POLN: variants seen among roughly 807,000 people sequenced by gnomAD.
POLN encodes the protein DNA polymerase N.
In POLN, 108 loss-of-function variants were observed where a neutral mutation model predicts 113.5. The observed-to-expected ratio is 0.95, with a 90% CI of 0.81 to 1.12. POLN has a LOEUF of 1.12. POLN is among the 50% of genes most tolerant of loss of function. The pLI, the probability that POLN is intolerant of heterozygous loss-of-function variation, is 0.00. For synonymous variants in POLN, 386 were observed against 391.5 expected, an observed-to-expected ratio of 0.99 and a Z score of 0.17; for missense variants, 1,097 against 1,077.1, an observed-to-expected ratio of 1.02 and a Z score of -0.26.
chr4:2,208,239 A>G lies in POLN; in HGVS notation c.462T>C (p.Leu154=). ...TATTATATGTAATATGTTTTCTTTT[A>G]AGATTAATGCTTCCTTTATTTTCAT... The part of the protein sequence containing the change: ...INNENKGSIN[L]KRKHITYNNL... The change falls in exon 5 of 26, where the codon CTT becomes CTC. Residue 154 remains leucine (L), a synonymous_variant. Coordinates refer to ENST00000511885, the MANE Select transcript of POLN (RefSeq NM_181808.4). 1 of 1,589,098 alleles carries G rather than the reference A, an allele frequency of 6.3e-7. No individual in the cohort carries two copies. Among genetic ancestry groups the G allele is most frequent in the South Asian group, 1.1e-5 (1 of 88,828 alleles).
Position 2,198,645 on chromosome 4 carries a change from C to G in POLN, c.787G>C (p.Asp263His), listed in dbSNP as rs1173566947. ...RQAEGGHGCPDAPACGPVLEG... is the reference protein window; with the variant it reads ...RQAEGGHGCPHAPACGPVLEG... ...AGAACAGGACCACAGGCCGGGGCAT[C>G]TGGACAGCCATGGCCACCCTCTGCT... The change falls in exon 6 of 26, where the codon GAT becomes CAT. Residue 263 changes from aspartate to histidine, a missense_variant. By Grantham distance (81) the Asp-to-His change is moderately conservative. Transcript: ENST00000511885. The G allele has an allele frequency of 6.2e-7, 1 of 1,613,904 alleles. No individual in the cohort carries two copies. Among genetic ancestry groups the G allele is most frequent in the East Asian group, 2.2e-5 (1 of 44,862 alleles).
intron 16 of POLN, 102 bp from the exon 17 acceptor site, chr4:2,131,392 G>C (rs1262457314): frequency 1.3e-6 from 1 of 747,996 alleles, no homozygotes; most frequent in East Asian, 2.8e-5. Context: ...ATTAAAACAA[G>C]TAAGCCAATG....
chr4:2,163,738 T>C (rs767473051), intron 13 of POLN, among the ~76,000 whole-genome samples: 6 of 152,198 alleles, frequency 3.9e-5, no homozygotes, highest in Non-Finnish European at 8.8e-5. Context: ...GGCATCCGTG[T>C]TTTCCAAATC....
intron 4 of POLN, among the ~76,000 whole-genome samples, chr4:2,210,614 AT>A (rs1733966059): frequency 2.9e-5 from 4 of 136,502 alleles, no homozygotes; most frequent in Non-Finnish European, 4.6e-5. Context: ...AATAATAATA[AT>A]AATAATAATA....
intron 24 of POLN, 107 bp downstream of exon 24, chr4:2,075,345 T>A: frequency 8.3e-7 from 1 of 1,210,810 alleles, no homozygotes; most frequent in Non-Finnish European, 1.2e-6. Context: ...GCAGGGGCCA[T>A]AAAAGGGAAG....
chr4:2,114,518 C>T (rs895695798), intron 19 of POLN, among the ~76,000 whole-genome samples: 2 of 152,178 alleles, frequency 1.3e-5, no homozygotes, highest in African/African-American at 4.8e-5. Context: ...GTTCTATATT[C>T]TACATTCTCT....
chr4:2,191,111 C>G (rs908404786), intron 7 of POLN, among the ~76,000 whole-genome samples: 6 of 152,146 alleles, frequency 3.9e-5, no homozygotes, highest in African/African-American at 7.2e-5. Flanking sequence ...AGGAATTAAC[C>G]TGAGTGTCCA....
At chr4:2,214,033 C>T (rs552817975) in intron 3 of POLN, among the ~76,000 whole-genome samples, 3 of 152,156 alleles carry the variant, frequency 2.0e-5, no homozygotes, top group East Asian at 1.9e-4. Flanking sequence ...GTCAGGAGCT[C>T]GAGACCAGCT....
In POLN at chr4:2,075,515, C is replaced by T. The variant is rs990470262; in HGVS notation, c.2392G>A (p.Val798Met). 3 of 1,613,276 alleles carry T rather than the reference C, an allele frequency of 1.9e-6. No individual in the cohort carries two copies. The highest frequency in any genetic ancestry group is 2.5e-6 in the Non-Finnish European group (3 of 1,179,928). Residue 798 changes from valine (V) to methionine (M), a missense_variant, in exon 24 of 26, where the codon GTG becomes ATG. Physicochemically the swap from Val to Met is conservative, Grantham distance 21. Transcript: ENST00000511885. ...AGCAGCTCATCATGGATCTGGGCCA[C>T]CAGCCTGGCAGGGAGGGAAGGAGTC... ...AASHTLTARL[V>M]AQIHDELLFE...
chr4:2,091,259 T>C (rs777745461), intron 20 of POLN, among the ~76,000 whole-genome samples: 2 of 152,208 alleles, frequency 1.3e-5, no homozygotes, highest in Non-Finnish European at 1.5e-5. Flanking sequence ...TAAATACTTA[T>C]GGCCAAGGGA....
chr4:2,117,044 T>C (rs1440229742), intron 19 of POLN, among the ~76,000 whole-genome samples: 1 of 152,230 alleles, frequency 6.6e-6, no homozygotes, highest in Non-Finnish European at 1.5e-5. Context: ...AACCAGGGTT[T>C]ATTTCTTATT....
At chr4:2,211,248 C>A (rs1312366487) in intron 4 of POLN, among the ~76,000 whole-genome samples, 1 of 117,376 alleles carries the variant, frequency 8.5e-6, no homozygotes, top group African/African-American at 3.3e-5. Context: ...GACTCCGTCT[C>A]CAAATAATAA....
In POLN at chr4:2,084,354, T is replaced by C. The variant is rs548845171; in HGVS notation, c.2197+1259A>G. 2.0e-3 allele frequency among the ~76,000 whole-genome samples: 297 copies of C among 152,042 alleles called. 3 individuals carry two copies. Among genetic ancestry groups the C allele is most frequent in the African/African-American group, 6.9e-3 (285 of 41,512 alleles). Reference sequence around the variant, plus strand: ...GTCTCTGCGCAGGTCGCCAGCTCCATGAGATGGAGGCTGGCACAGCTCCCT... The same window carrying C: ...GTCTCTGCGCAGGTCGCCAGCTCCACGAGATGGAGGCTGGCACAGCTCCCT... On this transcript the variant is annotated intron_variant, in intron 21 of 25. Coordinates refer to ENST00000511885, the MANE Select transcript of POLN (RefSeq NM_181808.4).
intron 16 of POLN, among the ~76,000 whole-genome samples, chr4:2,144,939 G>GT (rs1259134592): frequency 6.6e-6 from 1 of 152,204 alleles, no homozygotes; most frequent in Non-Finnish European, 1.5e-5. Flanking sequence ...TAAAAGAGTG[G>GT]TAAGAATATG....
intron 19 of POLN, among the ~76,000 whole-genome samples, chr4:2,103,275 C>G (rs36087093): frequency 6.6e-6 from 1 of 151,770 alleles, no homozygotes; most frequent in South Asian, 2.1e-4. Flanking sequence ...CCAACTAAAC[C>G]GACTTTCTGG....
intron 20 of POLN, among the ~76,000 whole-genome samples, chr4:2,094,468 C>A (rs1324370583): frequency 1.3e-5 from 2 of 152,180 alleles, no homozygotes; most frequent in Non-Finnish European, 2.9e-5. Flanking sequence ...ACTGCAGCCC[C>A]TGCAGGGGAC....
chr4:2,221,141 A>G (rs1448459020), intron 3 of POLN, among the ~76,000 whole-genome samples: 1 of 151,976 alleles, frequency 6.6e-6, no homozygotes, highest in Non-Finnish European at 1.5e-5. Flanking sequence ...AATAAAATTT[A>G]TTATTATTAT....
intron 7 of POLN, 146 bp from the exon 8 acceptor site, chr4:2,179,611 T>C (rs1733083921): frequency 1.1e-6 from 1 of 875,352 alleles, no homozygotes; most frequent in South Asian, 1.6e-5. Context: ...GACTTTCCAT[T>C]ATTCTCCAGA....
intron 13 of POLN, among the ~76,000 whole-genome samples, chr4:2,162,817 C>T (rs1466353179): frequency 6.6e-6 from 1 of 151,740 alleles, no homozygotes; most frequent in Non-Finnish European, 1.5e-5. Context: ...GATTTTCTAT[C>T]TTGGTCCATT....
Sources: allele counts gnomAD v4.1 joint callset (sites outside exome capture counted in the v4.1 genomes callset), GRCh38; gene constraint gnomAD v4.1.1; transcripts MANE v1.5; gene names NCBI Gene and HGNC (gene_info 2026-07-23, HGNC 2026-07-21).